Variants in GATAD2A observed in about 807,000 individuals in gnomAD.
The protein encoded by GATAD2A is transcriptional repressor p66-alpha.
GATAD2A carries 12 observed loss-of-function variants against 68.5 expected under a neutral mutation model. That is an observed-to-expected ratio of 0.18 (90% CI 0.11 to 0.28). The LOEUF (loss-of-function observed/expected upper bound fraction) is 0.28. Among genes scored for constraint, GATAD2A ranks in the 10% least tolerant of loss-of-function variants. GATAD2A has a pLI of 1.00. For synonymous variants in GATAD2A, 410 were observed against 375.3 expected, an observed-to-expected ratio of 1.09 and a Z score of -1.07; for missense variants, 755 against 868.5, an observed-to-expected ratio of 0.87 and a Z score of 1.64.
intron 2 of GATAD2A, among the ~76,000 whole-genome samples, chr19:19,475,776 T>C (rs750393261): frequency 7.9e-5 from 12 of 152,202 alleles, no homozygotes; most frequent in Non-Finnish European, 1.8e-4. Flanking sequence ...GTTCTCTATG[T>C]CACCCCTTTC....
chr19:19,501,927 A>T, intron 9 of GATAD2A, 42 bp from the exon 10 acceptor site: 1 of 1,522,876 alleles, frequency 6.6e-7, no homozygotes, highest in Non-Finnish European at 9.1e-7. Flanking sequence ...TGGGCCGGCC[A>T]GCGGACCGCA....
intron 2 of GATAD2A, chr19:19,472,276 T>C (rs1600222231): frequency 6.6e-6 from 1 of 152,140 alleles, no homozygotes; most frequent in Non-Finnish European, 1.5e-5. Flanking sequence ...TTCTTTCAAA[T>C]GGTTGATCTT....
rs141704276 is a variant in GATAD2A at position 19,425,976 on chromosome 19, T to C, written c.-7+19957T>C. Among the ~76,000 whole-genome samples the C allele has an allele frequency of 3.9e-3, 596 of 152,088 alleles. 4 individuals are homozygous for C. Among genetic ancestry groups the C allele is most frequent in the African/African-American group, 0.014 (570 of 41,492 alleles). ...CTAATTTTTGTATTTTTTGTAGGGATGGTGTTTTGCTATGTTGTCCAGGCT... is the reference window on the plus strand; with the variant it reads ...CTAATTTTTGTATTTTTTGTAGGGACGGTGTTTTGCTATGTTGTCCAGGCT... On this transcript the variant is annotated intron_variant, in intron 1 of 11. Coordinates refer to ENST00000683918, the MANE Select transcript of GATAD2A (RefSeq NM_001384528.1).
chr19:19,403,970 C>T (rs1713188200), upstream of GATAD2A, among the ~76,000 whole-genome samples: 1 of 152,070 alleles, frequency 6.6e-6, no homozygotes, highest in Non-Finnish European at 1.5e-5. Flanking sequence ...TTCTTTGTAG[C>T]AAAGCAAAGC....
chr19:19,410,323 T>C (rs1456235526), intron 1 of GATAD2A, among the ~76,000 whole-genome samples: 1 of 149,494 alleles, frequency 6.7e-6, no homozygotes, highest in Non-Finnish European at 1.5e-5. Flanking sequence ...AAAGTGGGAG[T>C]TCTTGGGGCA....
intron 11 of GATAD2A, among the ~76,000 whole-genome samples, chr19:19,504,640 CTT>C (rs36052091): frequency 0.16 from 21,290 of 136,970 alleles, 1,399 homozygotes; most frequent in Middle Eastern, 0.26. Flanking sequence ...TTTTTTTTTC[CTT>C]TTTTTTTTTT....
chr19:19,457,559 T>C (rs557825210), intron 1 of GATAD2A, among the ~76,000 whole-genome samples: 1 of 152,004 alleles, frequency 6.6e-6, no homozygotes, highest in East Asian at 1.9e-4. Flanking sequence ...GCTAACACGG[T>C]GAAACCCTGT....
At chr19:19,478,327 G>A (rs547797112) in intron 2 of GATAD2A, among the ~76,000 whole-genome samples, 3 of 152,292 alleles carry the variant, frequency 2.0e-5, no homozygotes, top group African/African-American at 4.8e-5. Flanking sequence ...CTGGCCAGGC[G>A]CAGTGGCTTA....
At chr19:19,416,929 T>A (rs1160362330) in intron 1 of GATAD2A, among the ~76,000 whole-genome samples, 1 of 151,944 alleles carries the variant, frequency 6.6e-6, no homozygotes, top group South Asian at 2.1e-4. Context: ...GCCTGGCTAA[T>A]TTTTGTATTT....
upstream of GATAD2A, among the ~76,000 whole-genome samples, chr19:19,405,258 G>A (rs1057089534): frequency 1.3e-5 from 2 of 152,182 alleles, no homozygotes; most frequent in Admixed American, 6.5e-5. Flanking sequence ...CACCGGGGCC[G>A]AAGTTCCCAG....
chr19:19,443,050 C>T (rs1162029927), intron 1 of GATAD2A, among the ~76,000 whole-genome samples: 2 of 152,162 alleles, frequency 1.3e-5, no homozygotes, highest in East Asian at 3.8e-4. Context: ...TGCCGTTTAA[C>T]ATAGCATGAC....
chr19:19,457,729 A>C (rs2057065199), intron 1 of GATAD2A, among the ~76,000 whole-genome samples: 1 of 150,998 alleles, frequency 6.6e-6, no homozygotes, highest in Non-Finnish European at 1.5e-5. Flanking sequence ...CAACAGACTG[A>C]GACTGTGTCT....
chr19:19,449,642 G>C (rs1310842867), intron 1 of GATAD2A, among the ~76,000 whole-genome samples: 5 of 150,392 alleles, frequency 3.3e-5, no homozygotes, highest in Admixed American at 6.6e-5. Flanking sequence ...TTGAAACTCT[G>C]TCTCTACAAA....
At chr19:19,465,712 T>G in intron 2 of GATAD2A, 98 bp downstream of exon 2, 1 of 1,391,000 alleles carries the variant, frequency 7.2e-7, no homozygotes, top group South Asian at 1.3e-5. Context: ...TGGTAACAGC[T>G]TGGCGGGGTT....
At chr19:19,471,463 A>G (rs1359276695) in intron 2 of GATAD2A, among the ~76,000 whole-genome samples, 1 of 152,098 alleles carries the variant, frequency 6.6e-6, no homozygotes, top group Non-Finnish European at 1.5e-5. Context: ...GTCCCCCCAA[A>G]AAGCAAATTT....
At chr19:19,475,017 G>A (rs901836901) in intron 2 of GATAD2A, among the ~76,000 whole-genome samples, 6 of 152,312 alleles carry the variant, frequency 3.9e-5, no homozygotes, top group Middle Eastern at 3.4e-3. Flanking sequence ...GCGGATGCTC[G>A]GACAGTTGCT....
chr19:19,504,675 T>G (rs945886424), intron 11 of GATAD2A, among the ~76,000 whole-genome samples: 1 of 151,374 alleles, frequency 6.6e-6, no homozygotes, highest in African/African-American at 2.4e-5. Context: ...TGGAGAAGCT[T>G]CTTGCTATGT....
intron 10 of GATAD2A, 127 bp from the exon 11 acceptor site, chr19:19,502,203 AT>A: frequency 1.1e-6 from 1 of 900,926 alleles, no homozygotes; most frequent in Non-Finnish European, 1.7e-6. Flanking sequence ...TGGTCTCCTG[AT>A]TTTGGACTTT....
At chr19:19,401,360 C>T (rs1376435273), upstream of GATAD2A, among the ~76,000 whole-genome samples, 1 of 151,570 alleles carries the variant, frequency 6.6e-6, no homozygotes, top group African/African-American at 2.4e-5. Flanking sequence ...ACTACAGGCG[C>T]GTGCCACCAT....
Sources: gnomAD v4.1 joint callset for allele counts (sites outside exome capture counted in the v4.1 genomes callset) on GRCh38, gnomAD v4.1.1 for gene constraint, MANE v1.5 for transcripts, NCBI Gene and HGNC (gene_info 2026-07-23, HGNC 2026-07-21) for gene names.